The following CFAP299 variants were observed in gnomAD, a reference collection of about 807,000 sequenced individuals.
CFAP299 encodes the protein cilia- and flagella-associated protein 299.
Under a neutral mutation model 27.0 loss-of-function variants are expected in CFAP299, and 21 were observed. The ratio of observed to expected loss-of-function variants is 0.78; its 90% CI spans 0.55 to 1.12. The LOEUF is 1.12. Ranked by LOEUF, CFAP299 falls within the 50% of genes most tolerant of loss-of-function variation. The probability of loss-of-function intolerance (pLI) is 0.00; values close to 1 mark genes in which losing one functional copy is unlikely to be tolerated. For missense variants in CFAP299, 310 were observed against 276.6 expected, an observed-to-expected ratio of 1.12 and a Z score of -0.86; for synonymous variants, 104 against 98.1, an observed-to-expected ratio of 1.06 and a Z score of -0.36.
intron 4 of CFAP299, among the ~76,000 whole-genome samples, chr4:80,920,398 G>A (rs1340748212): frequency 2.0e-5 from 3 of 152,108 alleles, no homozygotes; most frequent in African/African-American, 4.8e-5. Context: ...TACCTGACCT[G>A]CTTCATTATA....
chr4:80,665,662 C>T (rs180831252), intron 3 of CFAP299, among the ~76,000 whole-genome samples: 1 of 152,256 alleles, frequency 6.6e-6, no homozygotes, highest in African/African-American at 2.4e-5. Flanking sequence ...CATTGGTTAT[C>T]ATTTGCATTT....
At chr4:80,948,588 G>A (rs1304743128) in intron 5 of CFAP299, among the ~76,000 whole-genome samples, 3 of 151,694 alleles carry the variant, frequency 2.0e-5, no homozygotes, top group Non-Finnish European at 4.4e-5. Context: ...AGTTTGCTTT[G>A]AGTCTTACCA....
chr4:80,449,637 T>C (rs1447626021), intron 2 of CFAP299, among the ~76,000 whole-genome samples: 1 of 151,746 alleles, frequency 6.6e-6, no homozygotes, highest in Non-Finnish European at 1.5e-5. Flanking sequence ...ATTTATATTT[T>C]CTCAGTTTTC....
chr4:80,603,230 A>G (rs574654983), intron 3 of CFAP299, among the ~76,000 whole-genome samples: 20 of 152,334 alleles, frequency 1.3e-4, no homozygotes, highest in African/African-American at 4.8e-4. Flanking sequence ...TTTTAAAAAG[A>G]CATACTATAA....
At chr4:80,691,635 A>G (rs1720703632) in intron 3 of CFAP299, among the ~76,000 whole-genome samples, 2 of 150,436 alleles carry the variant, frequency 1.3e-5, no homozygotes, top group Admixed American at 1.3e-4. Flanking sequence ...AACTGGCACA[A>G]GACAGGGATG....
At chr4:80,683,531 A>G (rs576271459) in intron 3 of CFAP299, among the ~76,000 whole-genome samples, 1 of 152,310 alleles carries the variant, frequency 6.6e-6, no homozygotes, top group Non-Finnish European at 1.5e-5. Context: ...CCTATTATGG[A>G]TCCATTGATG....
chr4:80,722,816 C>T (rs1156964237), intron 3 of CFAP299, among the ~76,000 whole-genome samples: 15 of 151,772 alleles, frequency 9.9e-5, no homozygotes, highest in Non-Finnish European at 1.6e-4. Context: ...AGGAGAATGG[C>T]GTGAACCCCG....
intron 4 of CFAP299, among the ~76,000 whole-genome samples, chr4:80,880,741 A>AT (rs1733654365): frequency 2.0e-5 from 3 of 151,574 alleles, no homozygotes; most frequent in East Asian, 1.9e-4. Flanking sequence ...ATAAAATAAA[A>AT]TAAAATAAAA....
chr4:80,823,452 G>A (rs1399046655), intron 3 of CFAP299, among the ~76,000 whole-genome samples: 1 of 151,994 alleles, frequency 6.6e-6, no homozygotes, highest in African/African-American at 2.4e-5. Context: ...TAAATAACTG[G>A]GCTGCAATTC....
At chr4:80,328,186 A>G in the CFAP299 span, among the ~76,000 whole-genome samples, 1 of 152,202 alleles carries the variant, frequency 6.6e-6, no homozygotes, top group Non-Finnish European at 1.5e-5. Flanking sequence ...TACTCTTTCA[A>G]TAAGTTTTTT....
intron 5 of CFAP299, among the ~76,000 whole-genome samples, chr4:80,954,388 A>G (rs529023719): frequency 1.3e-5 from 2 of 152,332 alleles, no homozygotes; most frequent in South Asian, 4.1e-4. Flanking sequence ...AAGCAGAGTG[A>G]GAGTTGAATT....
intron 3 of CFAP299, among the ~76,000 whole-genome samples, chr4:80,857,643 T>C (rs1249353430): frequency 2.0e-5 from 3 of 152,190 alleles, no homozygotes; most frequent in African/African-American, 7.2e-5. Flanking sequence ...CAAAGGCCTT[T>C]TCTGCATCTA....
intron 1 of CFAP299, among the ~76,000 whole-genome samples, chr4:80,344,330 AC>A (rs1217919241): frequency 6.6e-6 from 1 of 152,094 alleles, no homozygotes; most frequent in Non-Finnish European, 1.5e-5. Context: ...ATCACCACTG[AC>A]CCCACAAAAA....
At chr4:80,390,859 G>A (rs1725408687) in intron 2 of CFAP299, among the ~76,000 whole-genome samples, 1 of 119,886 alleles carries the variant, frequency 8.3e-6, no homozygotes, top group Non-Finnish European at 1.8e-5. Context: ...ATATGTATAT[G>A]TATATGCGCA....
intron 3 of CFAP299, chr4:80,790,349 G>A (rs1410424700): frequency 6.6e-6 from 1 of 151,934 alleles, no homozygotes; most frequent in Non-Finnish European, 1.5e-5. Context: ...CTGTCTTAGT[G>A]GTCAGAGCAA....
chr4:80,841,103 C>T (rs1221425944), intron 3 of CFAP299, among the ~76,000 whole-genome samples: 2 of 152,122 alleles, frequency 1.3e-5, no homozygotes, highest in African/African-American at 4.8e-5. Context: ...TCTTATTCAT[C>T]CATGTGCCCA....
chr4:80,524,729 A>G (rs527791106), intron 2 of CFAP299, among the ~76,000 whole-genome samples: 1 of 152,248 alleles, frequency 6.6e-6, no homozygotes, highest in African/African-American at 2.4e-5. Context: ...GATCATCTTC[A>G]TTACTCTAGA....
intron 3 of CFAP299, among the ~76,000 whole-genome samples, chr4:80,864,458 GTATATA>G (rs1732578414): frequency 2.8e-5 from 4 of 141,974 alleles, no homozygotes; most frequent in South Asian, 2.2e-4. Flanking sequence ...ACCTATATAA[GTATATA>G]TATACCTATG....
chr4:80,680,207 T>A (rs1719751481), intron 3 of CFAP299, among the ~76,000 whole-genome samples: 1 of 152,144 alleles, frequency 6.6e-6, no homozygotes, highest in African/African-American at 2.4e-5. Flanking sequence ...TTTAGACATC[T>A]TTCCAAGACC....
Sources: allele counts gnomAD v4.1 joint callset (sites outside exome capture counted in the v4.1 genomes callset), GRCh38; gene constraint gnomAD v4.1.1; transcripts MANE v1.5; gene names NCBI Gene and HGNC (gene_info 2026-07-23, HGNC 2026-07-21).